The following RNF152 variants were observed in gnomAD, a reference collection of about 807,000 sequenced individuals.
RNF152 encodes E3 ubiquitin-protein ligase RNF152.
A neutral mutation model predicts 12.7 loss-of-function variants in RNF152; 11 were observed. The observed-to-expected ratio is 0.86, with a 90% CI of 0.54 to 1.43. RNF152 has a LOEUF of 1.43. RNF152 is among the 40% of genes most tolerant of loss of function. The pLI is 0.00. For synonymous variants in RNF152, 113 were observed against 120.3 expected (o/e 0.94, Z 0.40); for missense variants, 255 against 274.8 (o/e 0.93, Z 0.51).
intron 1 of RNF152, among the ~76,000 whole-genome samples, chr18:61,859,698 G>T (rs1168419327): frequency 2.0e-5 from 3 of 152,136 alleles, no homozygotes; most frequent in East Asian, 3.9e-4. Context: ...GGCCAACATG[G>T]CGAAATCCCA....
rs1908963873 is a variant in RNF152, at chr18:61,814,405, G to A, written c.*1447C>T. The A allele has an allele frequency of 6.6e-6, 1 of 152,132 alleles. No individual in the cohort carries two copies. The highest frequency in any genetic ancestry group is 1.5e-5 in the Non-Finnish European group (1 of 68,032). 9.4% of individuals were successfully genotyped at this position (152,132 alleles called of 1,614,324 possible). ...CCTTGTCACATACCACTTGCTTCAT[G>A]AATTCCATAAAAGAAGTTAGATGAG... On this transcript the variant is annotated 3_prime_UTR_variant, in exon 2 of 2. Coordinates refer to ENST00000312828, the MANE Select transcript of RNF152 (RefSeq NM_173557.3).
At chr18:61,849,962 T>C (rs1274320169) in intron 1 of RNF152, among the ~76,000 whole-genome samples, 3 of 152,256 alleles carry the variant, frequency 2.0e-5, no homozygotes, top group Admixed American at 2.0e-4. Flanking sequence ...GCTTACTGCC[T>C]ATCTCTAAGA....
chr18:61,866,060 G>A lies in RNF152; in HGVS notation c.-136+26735C>T, dbSNP rs879688416. 7.9e-5 allele frequency among the ~76,000 whole-genome samples: 12 copies of A among 152,224 alleles called. No homozygotes were observed. In the East Asian group the frequency reaches 9.7e-4, roughly 12 times the overall value. On this transcript the variant is annotated intron_variant, in intron 1 of 1. Transcript: ENST00000312828. ...TGCCTGGGTTCATTCTTATGTCTGCGTGGAGGAACAGGCAGGAATATTCCT... is the reference window on the plus strand; with the variant it reads ...TGCCTGGGTTCATTCTTATGTCTGCATGGAGGAACAGGCAGGAATATTCCT...
chr18:61,854,048 T>C (rs1267813104), intron 1 of RNF152, among the ~76,000 whole-genome samples: 2 of 152,244 alleles, frequency 1.3e-5, no homozygotes, highest in Admixed American at 1.3e-4. Context: ...GCCAAGCTGA[T>C]ACCTAATCTT....
At chr18:61,882,910 T>C (rs1912525814) in intron 1 of RNF152, among the ~76,000 whole-genome samples, 1 of 152,098 alleles carries the variant, frequency 6.6e-6, no homozygotes, top group African/African-American at 2.4e-5. Context: ...ATAGGAATGT[T>C]CCAGAGGCAT....
At position 61,844,081 on chromosome 18, in the gene RNF152, A is replaced by G. The variant is rs1488600730; in HGVS notation, c.-135-27483T>C. Among the ~76,000 whole-genome samples the G allele has an allele frequency of 4.6e-3, 169 of 37,132 alleles. 1 individual carries two copies. Among genetic ancestry groups the G allele is most frequent in the African/African-American group, 0.016 (162 of 10,344 alleles). 24.4% of individuals were successfully genotyped at this position (37,132 alleles called of 152,430 possible). On this transcript the variant is annotated intron_variant, in intron 1 of 1. Coordinates refer to ENST00000312828, the MANE Select transcript of RNF152 (RefSeq NM_173557.3). ...AGAGAGAAAGACAGAAAGAAAGGAA[A>G]GAAAGAAAGAAAGAAAGAAAGAAAG...
At chr18:61,820,492 T>A (rs1909348569) in intron 1 of RNF152, among the ~76,000 whole-genome samples, 1 of 151,814 alleles carries the variant, frequency 6.6e-6, no homozygotes, top group Admixed American at 6.6e-5. Context: ...CAGACAGCAA[T>A]CAGGTGAGAC....
intron 1 of RNF152, among the ~76,000 whole-genome samples, chr18:61,850,210 A>G (rs957012974): frequency 6.6e-6 from 1 of 152,186 alleles, no homozygotes; most frequent in African/African-American, 2.4e-5. Flanking sequence ...TTATTCTTCA[A>G]TGCCCCTTGT....
intron 1 of RNF152, among the ~76,000 whole-genome samples, chr18:61,875,618 C>A (rs1426265214): frequency 1.3e-5 from 2 of 152,190 alleles, no homozygotes; most frequent in Non-Finnish European, 2.9e-5. Context: ...GCTTCTAAAG[C>A]AAACTCTTAA....
chr18:61,812,881 T>A lies in RNF152; in HGVS notation c.*2971A>T, dbSNP rs1244365890. 1 of 152,146 alleles carries A rather than the reference T, an allele frequency of 6.6e-6. No homozygotes were observed. Among genetic ancestry groups the A allele is most frequent in the African/African-American group, 2.4e-5 (1 of 41,416 alleles). 9.4% of individuals were successfully genotyped at this position (152,146 alleles called of 1,614,324 possible). On this transcript the variant is annotated 3_prime_UTR_variant, in exon 2 of 2. Transcript: ENST00000312828. ...CAAAAAAAATTCTTTAAAGCAATAG[T>A]TGACTCAGTAAAGGGTATTCATCAA...
In RNF152 at chr18:61,811,829, T is replaced by C. The variant is rs1366169304; in HGVS notation, c.*4023A>G. The C allele has an allele frequency of 6.6e-6, 1 of 152,200 alleles. No individual in the cohort carries two copies. The highest frequency in any genetic ancestry group is 1.5e-5 in the Non-Finnish European group (1 of 68,038). The allele number at this position is 152,200 out of a possible 1,614,324, so 9.4% of individuals were successfully genotyped here. On this transcript the variant is annotated 3_prime_UTR_variant, in exon 2 of 2. Transcript: ENST00000312828. The stretch of plus-strand genomic sequence containing the variant: ...CATGCATAGCTTGCAAGTCAAACGT[T>C]TTACAGGTACTGTCTAACTACTATT...
At chr18:61,878,318 G>A (rs1004208977) in intron 1 of RNF152, among the ~76,000 whole-genome samples, 1 of 152,280 alleles carries the variant, frequency 6.6e-6, no homozygotes, top group East Asian at 1.9e-4. Context: ...GCACAGGACG[G>A]TCTTCCCACA....
chr18:61,877,712 G>T (rs1912274947), intron 1 of RNF152, among the ~76,000 whole-genome samples: 1 of 152,036 alleles, frequency 6.6e-6, no homozygotes, highest in Admixed American at 6.6e-5. Flanking sequence ...AAGAATTATT[G>T]CAATAAGGCT....
chr18:61,824,394 T>C (rs765255201), intron 1 of RNF152, among the ~76,000 whole-genome samples: 11 of 152,250 alleles, frequency 7.2e-5, no homozygotes, highest in African/African-American at 2.7e-4. Flanking sequence ...TCCAACCGCA[T>C]GGCAGTACTG....
At chr18:61,820,350 A>AAT (rs1555699414) in intron 1 of RNF152, among the ~76,000 whole-genome samples, 1 of 150,458 alleles carries the variant, frequency 6.6e-6, no homozygotes, top group Non-Finnish European at 1.5e-5. Context: ...AAAAAAAAAA[A>AAT]AAAAAAAAAG....
In RNF152 at chr18:61,827,893, C is replaced by T. The variant is rs143014366; in HGVS notation, c.-135-11295G>A. ...AAGGTAAGAAGGAAAGAAAAAAGTA[C>T]AAACCTTGAAACTAGATATGGAACA... On this transcript the variant is annotated intron_variant, in intron 1 of 1. Coordinates refer to ENST00000312828, the MANE Select transcript of RNF152 (RefSeq NM_173557.3). Among the ~76,000 whole-genome samples the T allele has an allele frequency of 4.8e-3, 736 of 152,288 alleles. 1 individual carries two copies. Among genetic ancestry groups the T allele is most frequent in the South Asian group, 0.017 (82 of 4,820 alleles).
At chr18:61,816,866 T>C (rs1909125448) in intron 1 of RNF152, among the ~76,000 whole-genome samples, 1 of 152,242 alleles carries the variant, frequency 6.6e-6, no homozygotes, top group African/African-American at 2.4e-5. Context: ...CTGTATTTCA[T>C]AAAGAGGGCG....
chr18:61,872,139 GT>G (rs1912024896), intron 1 of RNF152, among the ~76,000 whole-genome samples: 2 of 152,182 alleles, frequency 1.3e-5, no homozygotes, highest in South Asian at 4.1e-4. Flanking sequence ...AGGACCAAGG[GT>G]TGGAGGAGGT....
At chr18:61,894,275 C>T (rs946314327), upstream of RNF152, 1 of 150,892 alleles carries the variant, frequency 6.6e-6, no homozygotes, top group African/African-American at 2.4e-5. This position sits in a 1 kb window ranked among gnomAD's most constrained non-coding sequence, Gnocchi z 4.9. Flanking sequence ...GGCCGCCGCT[C>T]CTCCGGCCGA....
Sources: gnomAD v4.1 joint callset for allele counts (sites outside exome capture counted in the v4.1 genomes callset) on GRCh38, gnomAD v4.1.1 for gene constraint, Gnocchi (gnomAD v3.1) non-coding constraint, MANE v1.5 for transcripts, NCBI Gene and HGNC (gene_info 2026-07-23, HGNC 2026-07-21) for gene names.